Variants in SUPT3H observed in about 807,000 individuals in gnomAD.
The protein encoded by SUPT3H is transcription initiation protein SPT3 homolog.
A neutral mutation model predicts 44.3 loss-of-function variants in SUPT3H; 44 were observed. The observed-to-expected ratio is 0.99, with a 90% CI of 0.78 to 1.28. The LOEUF is 1.28. Among genes scored for constraint, SUPT3H ranks in the 50% most tolerant of loss-of-function variants. SUPT3H has a pLI of 0.00. For synonymous variants in SUPT3H, 124 were observed against 125.6 expected (o/e 0.99, Z 0.09); for missense variants, 380 against 387.1 (o/e 0.98, Z 0.15).
chr6:44,985,462 G>A (rs1397207560), intron 6 of SUPT3H, among the ~76,000 whole-genome samples: 1 of 151,936 alleles, frequency 6.6e-6, no homozygotes, highest in East Asian at 1.9e-4. Flanking sequence ...CTAAAAGTCT[G>A]TTTAGGGTAC....
intron 2 of SUPT3H, among the ~76,000 whole-genome samples, chr6:45,288,531 ATG>A (rs141680515): frequency 0.011 from 351 of 30,626 alleles, 4 homozygotes; most frequent in Admixed American, 0.072. Flanking sequence ...AAGAGATACA[ATG>A]TGTGTGTGTG....
At chr6:44,878,058 T>C (rs1400829823) in intron 10 of SUPT3H, among the ~76,000 whole-genome samples, 2 of 152,224 alleles carry the variant, frequency 1.3e-5, no homozygotes, top group Non-Finnish European at 2.9e-5. Flanking sequence ...AAAGGAGTCC[T>C]TCCAGGACAG....
chr6:44,876,480 A>C (rs1392966599), intron 10 of SUPT3H, among the ~76,000 whole-genome samples: 1 of 124,990 alleles, frequency 8.0e-6, no homozygotes, highest in Admixed American at 8.9e-5. Flanking sequence ...TGGAAGGGGA[A>C]TATCATACTC....
At chr6:44,887,072 A>T (rs1020147765) in intron 10 of SUPT3H, among the ~76,000 whole-genome samples, 1 of 152,152 alleles carries the variant, frequency 6.6e-6, no homozygotes, top group South Asian at 2.1e-4. Flanking sequence ...AGCTAACTAT[A>T]CTAAATATAT....
chr6:45,374,479 C>A (rs1172094424), intron 1 of SUPT3H, among the ~76,000 whole-genome samples: 1 of 152,134 alleles, frequency 6.6e-6, no homozygotes, highest in Non-Finnish European at 1.5e-5. Flanking sequence ...AGCAGCAGAG[C>A]GAGAACTCAA....
intron 3 of SUPT3H, among the ~76,000 whole-genome samples, chr6:45,052,628 A>G (rs1790475794): frequency 6.6e-6 from 1 of 152,214 alleles, no homozygotes; most frequent in African/African-American, 2.4e-5. Context: ...AAACCTCTAC[A>G]TAAATACGGT....
intron 2 of SUPT3H, among the ~76,000 whole-genome samples, chr6:45,179,971 C>T (rs1455307785): frequency 9.2e-5 from 14 of 152,254 alleles, no homozygotes; most frequent in Non-Finnish European, 1.6e-4. Flanking sequence ...GAAAACCCCA[C>T]TGTCTCAGCC....
chr6:45,261,344 T>C (rs953108700), intron 2 of SUPT3H, among the ~76,000 whole-genome samples: 13 of 152,028 alleles, frequency 8.6e-5, no homozygotes, highest in African/African-American at 2.4e-4. Flanking sequence ...GCAAACTGAA[T>C]CCAGAGGCAC....
intron 3 of SUPT3H, among the ~76,000 whole-genome samples, chr6:45,030,884 C>A (rs1006443028): frequency 6.6e-6 from 1 of 152,126 alleles, no homozygotes; most frequent in African/African-American, 2.4e-5. Flanking sequence ...ATGCAGAGGG[C>A]AAGGATCTGC....
Position 45,281,562 on chromosome 6 carries a change from C to T in SUPT3H, c.101+83639G>A, listed in dbSNP as rs565896598. ...TTGGGGGAGGGGCGCCCACCATTGCCGACGCTTGAGTAGCTAAACAAAGCA... is the reference window on the plus strand; with the variant it reads ...TTGGGGGAGGGGCGCCCACCATTGCTGACGCTTGAGTAGCTAAACAAAGCA... On this transcript the variant is annotated intron_variant, in intron 2 of 10. Coordinates refer to ENST00000371459, the MANE Select transcript of SUPT3H (RefSeq NM_003599.4). Among the ~76,000 whole-genome samples, 26 of 152,260 alleles carry T rather than the reference C, an allele frequency of 1.7e-4. 1 individual carries two copies. The South Asian group carries it at 2.1e-3, about 12-fold the overall frequency.
chr6:45,175,711 T>TG (rs1268694063), intron 2 of SUPT3H, among the ~76,000 whole-genome samples: 1 of 97,460 alleles, frequency 1.0e-5, no homozygotes, highest in Non-Finnish European at 2.0e-5. Context: ...TCAAGTGATA[T>TG]TAAAAAAAAA....
intron 4 of SUPT3H, 116 bp downstream of exon 4, chr6:45,020,430 A>C: frequency 3.0e-6 from 2 of 673,308 alleles, no homozygotes; most frequent in Non-Finnish European, 4.8e-6. Context: ...CTAAAACATC[A>C]GTTCAATAGT....
chr6:45,173,272 C>T (rs1335683604), intron 2 of SUPT3H, among the ~76,000 whole-genome samples: 2 of 152,160 alleles, frequency 1.3e-5, no homozygotes, highest in Non-Finnish European at 2.9e-5. Context: ...ACATTTTCCC[C>T]ACTATTTGAG....
intron 2 of SUPT3H, among the ~76,000 whole-genome samples, chr6:45,315,567 C>T (rs1784555464): frequency 6.6e-6 from 1 of 152,048 alleles, no homozygotes; most frequent in Non-Finnish European, 1.5e-5. Flanking sequence ...CAAATCAAAA[C>T]CACAATGCGA....
chr6:45,070,275 C>T (rs1261698981), intron 3 of SUPT3H, among the ~76,000 whole-genome samples: 1 of 152,096 alleles, frequency 6.6e-6, no homozygotes, highest in Non-Finnish European at 1.5e-5. Flanking sequence ...AGTTATAACA[C>T]ATTGAAATTT....
At chr6:44,908,440 C>T (rs931502325) in intron 10 of SUPT3H, among the ~76,000 whole-genome samples, 3 of 152,068 alleles carry the variant, frequency 2.0e-5, no homozygotes, top group Non-Finnish European at 4.4e-5. Flanking sequence ...CATAAGCCAC[C>T]GTGTCTGGCC....
At chr6:44,983,596 A>G (rs1402596733) in intron 6 of SUPT3H, among the ~76,000 whole-genome samples, 1 of 152,218 alleles carries the variant, frequency 6.6e-6, no homozygotes, top group African/African-American at 2.4e-5. Context: ...GGGAAAACAA[A>G]ATAAACATTT....
At chr6:45,183,264 G>A (rs1365557178) in intron 2 of SUPT3H, among the ~76,000 whole-genome samples, 2 of 152,130 alleles carry the variant, frequency 1.3e-5, no homozygotes, top group Admixed American at 6.5e-5. Context: ...TCTAGAATAG[G>A]CAAACTGATA....
At chr6:45,062,861 C>A (rs1184980783) in intron 3 of SUPT3H, among the ~76,000 whole-genome samples, 1 of 152,036 alleles carries the variant, frequency 6.6e-6, no homozygotes, top group Non-Finnish European at 1.5e-5. Flanking sequence ...GATCAAACTG[C>A]AAGGCGGCAG....
Sources: allele counts gnomAD v4.1 joint callset (sites outside exome capture counted in the v4.1 genomes callset), GRCh38; gene constraint gnomAD v4.1.1; transcripts MANE v1.5; gene names NCBI Gene and HGNC (gene_info 2026-07-23, HGNC 2026-07-21).